The following SNX14 variants were observed in gnomAD, a reference collection of about 807,000 sequenced individuals.
SNX14 encodes the protein sorting nexin-14.
A neutral mutation model predicts 133.8 loss-of-function variants in SNX14; 93 were observed. That is an observed-to-expected ratio of 0.70 (90% CI 0.59 to 0.83). The LOEUF (loss-of-function observed/expected upper bound fraction) is 0.83. Among genes scored for constraint, SNX14 ranks in the 40% least tolerant of loss-of-function variants. SNX14 has a pLI of 0.00. For synonymous variants in SNX14, 368 were observed against 365.6 expected, an observed-to-expected ratio of 1.01 and a Z score of -0.07; for missense variants, 945 against 1,094.9, an observed-to-expected ratio of 0.86 and a Z score of 1.93.
At chr6:85,593,489 T>C (rs1803596640) in intron 1 of SNX14, 90 bp downstream of exon 1, 2 of 1,476,992 alleles carry the variant, frequency 1.4e-6, no homozygotes, top group East Asian at 5.1e-5. Flanking sequence ...GTCCCGCAGC[T>C]ACGCGGCCTC....
At chr6:85,533,510 G>A in intron 18 of SNX14, 89 bp downstream of exon 18, 1 of 1,249,530 alleles carries the variant, frequency 8.0e-7, no homozygotes, top group African/African-American at 1.5e-5. Flanking sequence ...ATATTTGTTA[G>A]TTAGAAGTGG....
chr6:85,533,742 G>A lies in SNX14; in HGVS notation c.1667C>T (p.Pro556Leu), dbSNP rs748752746. ...TGCAGCAAGGTTTCGGGGAGTATTA[G>A]GTGTGCTCACAGCCTCCACTGGAGA... Reference protein sequence around the residue: ...DDSPVEAVSTPNTPRNLAAWK... With the variant: ...DDSPVEAVSTLNTPRNLAAWK... The change falls in exon 18 of 29, where the codon CCT (proline) becomes CTT (leucine). Residue 556 changes from proline to leucine, a missense_variant. By Grantham distance (98) the Pro-to-Leu change is moderately conservative (BLOSUM62 -3). Around this residue, in one of 3 missense-constraint regions of SNX14, gnomAD observed 412 missense variants for 516.6 expected, o/e 0.80. Transcript: ENST00000314673. 6.2e-7 allele frequency: 1 copy of A among 1,613,908 alleles called. No homozygotes were observed. The highest frequency in any genetic ancestry group is 8.5e-7 in the Non-Finnish European group (1 of 1,180,012).
chr6:85,510,097 A>G (rs1772281212), intron 26 of SNX14, among the ~76,000 whole-genome samples: 1 of 152,212 alleles, frequency 6.6e-6, no homozygotes, highest in African/African-American at 2.4e-5. Context: ...AAGTTGCTAT[A>G]AACATTCATG....
At chr6:85,563,701 T>C (rs1792647510) in intron 6 of SNX14, among the ~76,000 whole-genome samples, 1 of 152,038 alleles carries the variant, frequency 6.6e-6, no homozygotes, top group Non-Finnish European at 1.5e-5. Context: ...CTGAGAAAAA[T>C]ATTTTTTAAA....
At chr6:85,588,119 G>A (rs751633188) in intron 1 of SNX14, among the ~76,000 whole-genome samples, 3 of 151,676 alleles carry the variant, frequency 2.0e-5, no homozygotes, top group African/African-American at 4.8e-5. Context: ...GTGAAACCTC[G>A]TCTGTACACA....
At chr6:85,552,964 C>G (rs1428385817) in intron 7 of SNX14, among the ~76,000 whole-genome samples, 3 of 152,260 alleles carry the variant, frequency 2.0e-5, no homozygotes, top group African/African-American at 7.2e-5. Context: ...GATATCCCCG[C>G]TTTCTGAGTC....
intron 1 of SNX14, chr6:85,588,849 G>T (rs1037344734): frequency 6.6e-6 from 3 of 454,078 alleles, no homozygotes; most frequent in African/African-American, 2.0e-5. Context: ...ATAAGGAAGA[G>T]AAAATATATT....
At chr6:85,589,477 C>G (rs1226577115) in intron 1 of SNX14, 2 of 154,262 alleles carry the variant, frequency 1.3e-5, no homozygotes, top group Non-Finnish European at 2.9e-5. Flanking sequence ...CTTGGCCTCC[C>G]AAAATGCTGG....
At chr6:85,524,430 G>A (rs1211398569) in intron 21 of SNX14, among the ~76,000 whole-genome samples, 2 of 152,104 alleles carry the variant, frequency 1.3e-5, no homozygotes, top group East Asian at 3.9e-4. Flanking sequence ...TTTCTAAAGG[G>A]AAGAATGCTG....
intron 26 of SNX14, 53 bp downstream of exon 26, chr6:85,513,747 C>G (rs549591674): frequency 7.5e-7 from 1 of 1,327,848 alleles, no homozygotes; most frequent in Non-Finnish European, 1.1e-6. Flanking sequence ...TACATTGTGA[C>G]CTCAACGGAC....
chr6:85,592,400 T>A (rs1258667681), intron 1 of SNX14, among the ~76,000 whole-genome samples: 1 of 152,144 alleles, frequency 6.6e-6, no homozygotes, highest in Non-Finnish European at 1.5e-5. Flanking sequence ...AGATAAAGAG[T>A]AAGAATGGTT....
At chr6:85,568,405 T>C (rs1794568866) in intron 4 of SNX14, 2 of 152,208 alleles carry the variant, frequency 1.3e-5, no homozygotes, top group Admixed American at 1.3e-4. Context: ...AAAGGGGAGT[T>C]CTGGGATGCC....
chr6:85,575,937 C>T (rs1182666426), intron 1 of SNX14, among the ~76,000 whole-genome samples: 1 of 152,168 alleles, frequency 6.6e-6, no homozygotes, highest in Non-Finnish European at 1.5e-5. Context: ...GTTTAAGTTA[C>T]TCTTAATATG....
intron 28 of SNX14, among the ~76,000 whole-genome samples, chr6:85,506,721 C>A (rs573599552): frequency 6.6e-6 from 1 of 152,290 alleles, no homozygotes; most frequent in Non-Finnish European, 1.5e-5. Flanking sequence ...GTTGTTTCAT[C>A]CAACCAAAAG....
chr6:85,538,490 TA>T (rs1444747597), intron 16 of SNX14, among the ~76,000 whole-genome samples: 1 of 152,020 alleles, frequency 6.6e-6, no homozygotes, highest in Non-Finnish European at 1.5e-5. Context: ...ATACTTATTT[TA>T]AAAAAAGTTC....
chr6:85,533,644 TTC>T lies in SNX14; in HGVS notation c.1763_1764del (p.Arg588AsnfsTer7). 2 of 1,613,784 alleles carry T rather than the reference TTC, an allele frequency of 1.2e-6. No homozygotes were observed. Among genetic ancestry groups the T allele is most frequent in the Non-Finnish European group, 1.7e-6 (2 of 1,180,026 alleles). On this transcript the variant is annotated frameshift_variant, in exon 18 of 29. Transcript: ENST00000314673. LOFTEE classifies it high-confidence loss of function. ...PSSERKEKKE[R>X]IPVFCIDVER... is the part of the protein sequence containing the mutation. ...TCAACATCAATACAAAACACAGGAA[TTC>T]TTTCTTTTTTCTCCTTCCTTTCAGA...
chr6:85,518,841 T>G (rs1775905383), intron 21 of SNX14, among the ~76,000 whole-genome samples: 1 of 152,200 alleles, frequency 6.6e-6, no homozygotes, highest in African/African-American at 2.4e-5. Flanking sequence ...TTCTTTAAAT[T>G]ATATGGTTTC....
At chr6:85,541,856 G>C (rs1179932194) in intron 15 of SNX14, 129 bp downstream of exon 15, 3 of 570,230 alleles carry the variant, frequency 5.3e-6, no homozygotes, top group Non-Finnish European at 8.7e-6. Context: ...CAATTCACTA[G>C]TAAAATGCCT....
Position 85,565,374 on chromosome 6 carries a change from TG to T in SNX14, c.506del (p.Thr169AsnfsTer9). On this transcript the variant is annotated frameshift_variant, in exon 6 of 29. Transcript: ENST00000314673. LOFTEE classifies it high-confidence loss of function. ...TTAAGACAGATGCAAAAAAACGTAATGTTATTCTCAGTTCATCAACAAAGGA... is the reference window on the plus strand; with the variant it reads ...TTAAGACAGATGCAAAAAAACGTAATTTATTCTCAGTTCATCAACAAAGGA... The part of the protein sequence containing the change: ...DESFVDELRI[T>X]LRFFASVLIR... 1 of 1,604,448 alleles carries T rather than the reference TG, an allele frequency of 6.2e-7. No homozygotes were observed. The highest frequency in any genetic ancestry group is 8.5e-7 in the Non-Finnish European group (1 of 1,175,116).
Sources: gnomAD v4.1 joint callset for allele counts (sites outside exome capture counted in the v4.1 genomes callset) on GRCh38, gnomAD v4.1.1 for gene constraint, gnomAD v4.1.1 regional missense constraint, MANE v1.5 for transcripts, NCBI Gene and HGNC (gene_info 2026-07-23, HGNC 2026-07-21) for gene names.